NPTN: variants seen among roughly 807,000 people sequenced by gnomAD.
NPTN encodes SDR-1.
A neutral mutation model predicts 42.7 loss-of-function variants in NPTN; 5 were observed. That is an observed-to-expected ratio of 0.12 (90% CI 0.06 to 0.25). The LOEUF (loss-of-function observed/expected upper bound fraction) is 0.25, where lower values mean the gene tolerates loss of function less well. Among genes scored for constraint, NPTN ranks in the 10% least tolerant of loss-of-function variants. NPTN has a pLI of 1.00. For missense variants in NPTN, 307 were observed against 525.4 expected (o/e 0.58, Z 4.06); for synonymous variants, 180 against 201.9 (o/e 0.89, Z 0.92).
chr15:73,574,426 T>G (rs1895574552), intron 4 of NPTN, among the ~76,000 whole-genome samples: 1 of 152,088 alleles, frequency 6.6e-6, no homozygotes, highest in Non-Finnish European at 1.5e-5. Context: ...TTTTTTTAAT[T>G]GAATGACTGA....
intron 1 of NPTN, among the ~76,000 whole-genome samples, chr15:73,609,575 G>A (rs1188673892): frequency 6.6e-6 from 1 of 152,212 alleles, no homozygotes; most frequent in Non-Finnish European, 1.5e-5. Flanking sequence ...AGGTTGCAGT[G>A]AGCCGAGACG....
In NPTN at chr15:73,625,236, T is replaced by C. The variant is rs372177782; in HGVS notation, c.91+7889A>G. 2.6e-5 allele frequency among the ~76,000 whole-genome samples: 4 copies of C among 152,362 alleles called. No individual in the cohort carries two copies. The East Asian group carries it at 5.8e-4, about 22-fold the overall frequency. On this transcript the variant is annotated intron_variant, in intron 1 of 8. Coordinates refer to ENST00000345330, the MANE Select transcript of NPTN (RefSeq NM_012428.4). ...TTAACTACCTCACACAGATTAATAATAGGTAATGTTTCACAAGATATTACA... is the reference window on the plus strand; with the variant it reads ...TTAACTACCTCACACAGATTAATAACAGGTAATGTTTCACAAGATATTACA...
Position 73,597,408 on chromosome 15 carries a change from TC to T in NPTN, c.92-40del. ...GAGCAGGAATGCAGTGACAGGCCAA[TC>T]AGAAAAAAAAAAAAGAATCAACAGG... On this transcript the variant is annotated intron_variant, in intron 1 of 8. Transcript: ENST00000345330. The surrounding 1 kb of genome is among the most constrained non-coding windows in gnomAD (Gnocchi z 6.3). The T allele has an allele frequency of 1.5e-6, 2 of 1,315,770 alleles. No individual in the cohort carries two copies. Among genetic ancestry groups the T allele is most frequent in the Non-Finnish European group, 1.0e-6 (1 of 974,838 alleles). The allele number at this position is 1,315,770 out of a possible 1,614,324, so 81.5% of individuals were successfully genotyped here.
At chr15:73,598,300 A>T (rs1055170322) in intron 1 of NPTN, among the ~76,000 whole-genome samples, 9 of 152,132 alleles carry the variant, frequency 5.9e-5, no homozygotes, top group Non-Finnish European at 1.2e-4. Context: ...GCCAGCTCAG[A>T]AGAATGAGAA....
intron 2 of NPTN, among the ~76,000 whole-genome samples, chr15:73,595,795 G>C (rs1410896197): frequency 6.6e-6 from 1 of 152,142 alleles, no homozygotes; most frequent in Non-Finnish European, 1.5e-5. Flanking sequence ...AGGAACGTTG[G>C]TTCTGTGGTG....
chr15:73,568,817 A>C (rs1595896645), intron 6 of NPTN: 14 of 985,308 alleles, frequency 1.4e-5, no homozygotes, highest in Non-Finnish European at 1.7e-5. Flanking sequence ...TCATCAACAA[A>C]CCTCCTCACC....
intron 1 of NPTN, among the ~76,000 whole-genome samples, chr15:73,605,925 G>A (rs374599628): frequency 6.6e-5 from 10 of 151,924 alleles, no homozygotes; most frequent in African/African-American, 2.2e-4. Context: ...GCCATCATGC[G>A]GTGGCTCACG....
chr15:73,589,715 G>A (rs80302073), intron 3 of NPTN, among the ~76,000 whole-genome samples: 2 of 152,040 alleles, frequency 1.3e-5, no homozygotes, highest in African/African-American at 4.8e-5. Context: ...ATTCCAAAAA[G>A]GAAACACAGG....
intron 1 of NPTN, among the ~76,000 whole-genome samples, chr15:73,603,989 T>A (rs1435312658): frequency 6.6e-6 from 1 of 152,232 alleles, no homozygotes; most frequent in East Asian, 1.9e-4. Context: ...AACTACTCTA[T>A]GCAAATGTTA....
At chr15:73,568,310 A>C (rs1286689658) in intron 6 of NPTN, 23 of 985,314 alleles carry the variant, frequency 2.3e-5, no homozygotes, top group Non-Finnish European at 2.7e-5. Context: ...GCCTTGCCTT[A>C]AAATTTAAAA....
intron 4 of NPTN, among the ~76,000 whole-genome samples, chr15:73,576,333 A>AT (rs1370806007): frequency 1.3e-5 from 2 of 151,874 alleles, no homozygotes; most frequent in African/African-American, 4.8e-5. Flanking sequence ...TAAAGAATGT[A>AT]TTTTTTCTTT....
At position 73,560,016 on chromosome 15, in the gene NPTN, C is replaced by T; in HGVS notation, c.*1047G>A. ...TAGAATAAAGAGTATTATCCAAACA[C>T]CTTTTATCAATGTTTTATTTTTAAA... On this transcript the variant is annotated 3_prime_UTR_variant, in exon 9 of 9. Transcript: ENST00000345330. The T allele has an allele frequency of 8.9e-7, 1 of 1,117,366 alleles. No individual in the cohort carries two copies. Among genetic ancestry groups the T allele is most frequent in the South Asian group, 1.7e-5 (1 of 59,008 alleles). 69.2% of individuals were successfully genotyped at this position (1,117,366 alleles called of 1,614,324 possible). A position where few individuals can be genotyped will look rare whatever the true frequency, so the allele number is the denominator to read the frequency against.
rs756317119 is a variant in NPTN at position 73,560,276 on chromosome 15, TAA to T, written c.*785_*786del. On this transcript the variant is annotated 3_prime_UTR_variant, in exon 9 of 9. Coordinates refer to ENST00000345330, the MANE Select transcript of NPTN (RefSeq NM_012428.4). ...GTCATTGGAAACAAAAGAAAAATTA[TAA>T]AAGTTTGCCTTGATTGAATGAATGT... is the stretch of plus-strand genomic sequence containing the variant. 1 of 165,828 alleles carries T rather than the reference TAA, an allele frequency of 6.0e-6. No individual in the cohort carries two copies. Among genetic ancestry groups the T allele is most frequent in the Non-Finnish European group, 1.3e-5 (1 of 77,354 alleles). 10.3% of individuals were successfully genotyped at this position (165,828 alleles called of 1,614,324 possible).
At chr15:73,620,851 T>C (rs928939817) in intron 1 of NPTN, among the ~76,000 whole-genome samples, 6 of 152,178 alleles carry the variant, frequency 3.9e-5, no homozygotes, top group Non-Finnish European at 7.3e-5. Flanking sequence ...AATTTGTAGC[T>C]TGGTTTTTCT....
At chr15:73,600,889 A>C (rs141700527) in intron 1 of NPTN, among the ~76,000 whole-genome samples, 4 of 152,304 alleles carry the variant, frequency 2.6e-5, no homozygotes, top group Admixed American at 6.5e-5. Flanking sequence ...ATTCTGAGGC[A>C]AGACTGCCTC....
chr15:73,613,162 A>G (rs1414915492), intron 1 of NPTN, among the ~76,000 whole-genome samples: 1 of 152,220 alleles, frequency 6.6e-6, no homozygotes, highest in African/African-American at 2.4e-5. Context: ...TAAATACAGT[A>G]TATTTGTGAT....
intron 1 of NPTN, among the ~76,000 whole-genome samples, chr15:73,617,692 C>T (rs527979381): frequency 6.6e-6 from 1 of 152,274 alleles, no homozygotes; most frequent in South Asian, 2.1e-4. Context: ...TAAGGTGACA[C>T]TCTACTAAGA....
Position 73,569,476 on chromosome 15 carries a change from G to A in NPTN, c.1114+674C>T. 1.0e-6 allele frequency: 1 copy of A among 985,388 alleles called. No individual in the cohort carries two copies. The highest frequency in any genetic ancestry group is 1.2e-6 in the Non-Finnish European group (1 of 829,916). The allele number at this position is 985,388 out of a possible 1,614,324, so 61.0% of individuals were successfully genotyped here. A position where few individuals can be genotyped will look rare whatever the true frequency, so the allele number is the denominator to read the frequency against. On this transcript the variant is annotated intron_variant, in intron 6 of 8. Transcript: ENST00000345330. The surrounding 1 kb of genome is among the most constrained non-coding windows in gnomAD (Gnocchi z 4.1). ...CAGCCTCGGGGCATGGACTCCATTT[G>A]TTCCGCCTTTGCTATCTCTGTCTTA...
At chr15:73,622,368 GCC>G (rs1898175162) in intron 1 of NPTN, among the ~76,000 whole-genome samples, 1 of 151,718 alleles carries the variant, frequency 6.6e-6, no homozygotes, top group African/African-American at 2.4e-5. Flanking sequence ...TATATTCCAA[GCC>G]CCCAGGCACA....
Sources: gnomAD v4.1 joint callset for allele counts (sites outside exome capture counted in the v4.1 genomes callset) on GRCh38, gnomAD v4.1.1 for gene constraint, Gnocchi (gnomAD v3.1) non-coding constraint, MANE v1.5 for transcripts, NCBI Gene and HGNC (gene_info 2026-07-23, HGNC 2026-07-21) for gene names.